The following CBLL1 variants were observed in gnomAD, a reference collection of about 807,000 sequenced individuals.
CBLL1 encodes the protein E3 ubiquitin-protein ligase Hakai.
In CBLL1, 4 loss-of-function variants were observed where a neutral mutation model predicts 44.9. The ratio of observed to expected loss-of-function variants is 0.09; its 90% CI spans 0.04 to 0.20. The LOEUF (loss-of-function observed/expected upper bound fraction) is 0.20. CBLL1 is among the 10% of genes least tolerant of loss of function. CBLL1 has a pLI of 1.00. For missense variants in CBLL1, 569 were observed against 636.7 expected, an observed-to-expected ratio of 0.89 and a Z score of 1.14; for synonymous variants, 235 against 202.2, an observed-to-expected ratio of 1.16 and a Z score of -1.38.
At chr7:107,748,495 C>T (rs959303887) in intron 1 of CBLL1, among the ~76,000 whole-genome samples, 1 of 143,166 alleles carries the variant, frequency 7.0e-6, no homozygotes, top group Non-Finnish European at 1.6e-5. Context: ...GGATGGTTTT[C>T]GTTCTTTTTC....
intron 2 of CBLL1, chr7:107,752,464 G>T: frequency 1.9e-6 from 1 of 521,132 alleles, no homozygotes; most frequent in Non-Finnish European, 3.3e-6. Flanking sequence ...GTGTGTGTGT[G>T]TCTGTGTCTG....
chr7:107,745,874 T>G (rs1304816120), intron 1 of CBLL1, among the ~76,000 whole-genome samples: 4 of 152,150 alleles, frequency 2.6e-5, no homozygotes, highest in African/African-American at 9.7e-5. Flanking sequence ...GGAACAAGTG[T>G]TTGGTCTTGG....
intron 3 of CBLL1, 25 bp downstream of exon 3, chr7:107,753,536 A>G (rs1793398502): frequency 2.3e-6 from 3 of 1,311,542 alleles, no homozygotes; most frequent in East Asian, 5.1e-5. Context: ...GAAAAATTGT[A>G]TTATAACAAT....
At chr7:107,749,079 T>G in intron 2 of CBLL1, 32 bp downstream of exon 2, 2 of 1,602,914 alleles carry the variant, frequency 1.2e-6, no homozygotes, top group Non-Finnish European at 1.7e-6. Flanking sequence ...TCCAACACTC[T>G]TTCTGTTTTA....
rs1201115259 is a variant in CBLL1, at chr7:107,753,494, CT to C, written c.271del (p.Trp91GlyfsTer5). 1.5e-5 allele frequency: 23 copies of C among 1,576,434 alleles called. No homozygotes were observed. The highest frequency in any genetic ancestry group is 6.0e-5 in the South Asian group (5 of 82,766). On this transcript the variant is annotated frameshift_variant, in exon 3 of 6. Transcript: ENST00000440859. LOFTEE classifies it high-confidence loss of function. The stretch of plus-strand genomic sequence containing the variant: ...AAATCAGCGAAGATTTCCTGGACAC[CT>C]TTTTTGGGACTTTCAGGTATAATTA... ...FANQRRFPGH[L>X]FWDFQINILG...
chr7:107,759,136 ACAT>A lies in CBLL1; in HGVS notation c.1439_1441del (p.His480del). 6.2e-7 allele frequency: 1 copy of A among 1,613,720 alleles called. No homozygotes were observed. The highest frequency in any genetic ancestry group is 8.5e-7 in the Non-Finnish European group (1 of 1,179,858). The stretch of plus-strand genomic sequence containing the variant: ...CTTCTCAAACCCCACTTCCTGGACC[ACAT>A]CATCCAGATCAGACAAGATATAGAC... On this transcript the variant is annotated inframe_deletion, in exon 6 of 6. Coordinates refer to ENST00000440859, the MANE Select transcript of CBLL1 (RefSeq NM_024814.4).
chr7:107,753,711 G>A (rs1210312692), intron 3 of CBLL1, among the ~76,000 whole-genome samples, 184 bp from the exon 4 acceptor site: 7 of 151,956 alleles, frequency 4.6e-5, no homozygotes, highest in Admixed American at 4.6e-4. Flanking sequence ...ATCAATAACT[G>A]TTAACACTAA....
chr7:107,744,493 G>A (rs183771695), intron 1 of CBLL1: 77 of 380,298 alleles, frequency 2.0e-4, no homozygotes, highest in African/African-American at 1.5e-3. Flanking sequence ...TAGCCCAGCT[G>A]CTCTGGCCTA....
intron 5 of CBLL1, among the ~76,000 whole-genome samples, chr7:107,756,367 T>G (rs963096141): frequency 6.6e-6 from 1 of 152,158 alleles, no homozygotes; most frequent in Non-Finnish European, 1.5e-5. Context: ...AAGGGGTGAT[T>G]TATTAACAGC....
At position 107,758,867 on chromosome 7, in the gene CBLL1, G is replaced by C; in HGVS notation, c.1165G>C (p.Gly389Arg). The C allele has an allele frequency of 1.2e-6, 2 of 1,613,634 alleles. No individual in the cohort carries two copies. Among genetic ancestry groups the C allele is most frequent in the Non-Finnish European group, 1.7e-6 (2 of 1,179,896 alleles). The change falls in exon 6 of 6, where the codon GGA becomes CGA. Residue 389 changes from glycine to arginine, a missense_variant. Physicochemically the swap from Gly to Arg is moderately radical, Grantham distance 125. This residue lies in a region of CBLL1 where 228 missense variants were observed against 253.2 expected (regional missense o/e 0.90). Transcript: ENST00000440859. This position sits in a 1 kb window ranked among gnomAD's most constrained non-coding sequence, Gnocchi z 4.2. ...TCCACCACCAATAACCCCTCCCCCTGGACATATTATTGCCCAGATGCCACC... is the reference window on the plus strand; with the variant it reads ...TCCACCACCAATAACCCCTCCCCCTCGACATATTATTGCCCAGATGCCACC... ...SAPPPITPPP[G>R]HIIAQMPPYM...
At chr7:107,754,864 C>T (rs1002118862) in intron 4 of CBLL1, among the ~76,000 whole-genome samples, 2 of 152,040 alleles carry the variant, frequency 1.3e-5, no homozygotes, top group African/African-American at 4.8e-5. Context: ...GTGGCTCACA[C>T]CTATAATCCC....
rs766510936 is a variant in CBLL1 at position 107,758,500 on chromosome 7, A to G, written c.798A>G (p.Glu266=). 3 of 1,614,024 alleles carry G rather than the reference A, an allele frequency of 1.9e-6. No homozygotes were observed. The East Asian group carries it at 6.7e-5, about 36-fold the overall frequency. The change falls in exon 6 of 6, where the codon GAA becomes GAG. Residue 266 remains glutamate, a synonymous_variant. Transcript: ENST00000440859. This position sits in a 1 kb window ranked among gnomAD's most constrained non-coding sequence, Gnocchi z 4.2. ...PHEDIRAPPA[E]LSMAPPPPRS... is the part of the protein sequence containing the mutation. ...AGGATATTCGTGCTCCTCCAGCAGAATTGTCCATGGCTCCACCTCCACCTC... is the reference window on the plus strand; with the variant it reads ...AGGATATTCGTGCTCCTCCAGCAGAGTTGTCCATGGCTCCACCTCCACCTC...
In CBLL1 at chr7:107,759,265, A is replaced by C. The variant is rs147383755; in HGVS notation, c.*87A>C. On this transcript the variant is annotated 3_prime_UTR_variant, in exon 6 of 6. Coordinates refer to ENST00000440859, the MANE Select transcript of CBLL1 (RefSeq NM_024814.4). ...AGCTTTGACTGTTTTGGGAAGGAAG[A>C]GTACCTCTTATCGAGGTAGTATAAA... The C allele has an allele frequency of 1.3e-5, 16 of 1,186,110 alleles. No individual in the cohort carries two copies. The African/African-American group carries it at 1.8e-4, about 14-fold the overall frequency. The allele number at this position is 1,186,110 out of a possible 1,614,324, so 73.5% of individuals were successfully genotyped here.
rs150000325 is a variant in CBLL1 at position 107,761,310 on chromosome 7, G to C, written c.*2132G>C. The C allele has an allele frequency of 1.9e-4, 29 of 152,136 alleles. No homozygotes were observed. The East Asian group carries it at 5.4e-3, about 29-fold the overall frequency. The allele number at this position is 152,136 out of a possible 1,614,324, so 9.4% of individuals were successfully genotyped here. A position where few individuals can be genotyped will look rare whatever the true frequency, so the allele number is the denominator to read the frequency against. On this transcript the variant is annotated 3_prime_UTR_variant, in exon 6 of 6. Transcript: ENST00000440859. ...ATCATGATAAAATTTTGAATTAAGA[G>C]AACCCTTGTAGAGTTTTTAAAAAAT...
Position 107,753,875 on chromosome 7 carries a change from T to G in CBLL1, c.283-20T>G, listed in dbSNP as rs1793417024. ...TTAGAATTGTGTAAGAAGGTAATTTTAATTATATCATTTCAACAGATAAAC... is the reference window on the plus strand; with the variant it reads ...TTAGAATTGTGTAAGAAGGTAATTTGAATTATATCATTTCAACAGATAAAC... On this transcript the variant is annotated intron_variant, in intron 3 of 5. Transcript: ENST00000440859. 1 of 1,474,320 alleles carries G rather than the reference T, an allele frequency of 6.8e-7. No individual in the cohort carries two copies. The highest frequency in any genetic ancestry group is 1.4e-5 in the African/African-American group (1 of 70,772). The allele number at this position is 1,474,320 out of a possible 1,614,324, so 91.3% of individuals were successfully genotyped here.
At position 107,758,542 on chromosome 7, in the gene CBLL1, A is replaced by G; in HGVS notation, c.840A>G (p.Glu280=). The change falls in exon 6 of 6, where the codon GAA becomes GAG. Residue 280 remains glutamate (E), a synonymous_variant. Transcript: ENST00000440859. This position sits in a 1 kb window ranked among gnomAD's most constrained non-coding sequence, Gnocchi z 4.2. Reference sequence around the variant, plus strand: ...CTCCACCTCGATCGGTCAGTCAGGAAACCTTTCGTATTTCAACAAGAAAAC... The same window carrying G: ...CTCCACCTCGATCGGTCAGTCAGGAGACCTTTCGTATTTCAACAAGAAAAC... ...APPPPRSVSQ[E]TFRISTRKHS... 1.2e-6 allele frequency: 2 copies of G among 1,614,066 alleles called. No homozygotes were observed. The highest frequency in any genetic ancestry group is 1.7e-6 in the Non-Finnish European group (2 of 1,180,012).
intron 2 of CBLL1, among the ~76,000 whole-genome samples, chr7:107,750,376 G>A (rs1408100144): frequency 6.6e-6 from 1 of 151,786 alleles, no homozygotes; most frequent in Non-Finnish European, 1.5e-5. Flanking sequence ...CGGGATCTCG[G>A]CTCACTGCAA....
rs902696189 is a variant in CBLL1, at chr7:107,759,991, G to T, written c.*813G>T. On this transcript the variant is annotated 3_prime_UTR_variant, in exon 6 of 6. Coordinates refer to ENST00000440859, the MANE Select transcript of CBLL1 (RefSeq NM_024814.4). ...CTCATTAATGCTTTTTTACTGAATG[G>T]TCGGAATCACATATGCACCACACAT... The T allele has an allele frequency of 5.3e-5, 8 of 152,236 alleles. No homozygotes were observed. The highest frequency in any genetic ancestry group is 1.9e-4 in the African/African-American group (8 of 41,428). The allele number at this position is 152,236 out of a possible 1,614,324, so 9.4% of individuals were successfully genotyped here.
At chr7:107,745,774 G>A (rs62467971) in intron 1 of CBLL1, among the ~76,000 whole-genome samples, 1,686 of 152,278 alleles carry the variant, frequency 0.011, 12 homozygotes, top group Admixed American at 0.02. Context: ...TAGGCTTTTG[G>A]TTTGAGCAAC....
Sources: allele counts gnomAD v4.1 joint callset (sites outside exome capture counted in the v4.1 genomes callset), GRCh38; gene constraint gnomAD v4.1.1; regional missense constraint gnomAD v4.1.1; non-coding constraint Gnocchi (gnomAD v3.1); transcripts MANE v1.5; gene names NCBI Gene and HGNC (gene_info 2026-07-23, HGNC 2026-07-21).